LYRM9: variants seen among roughly 807,000 people sequenced by gnomAD.
LYRM9 encodes the protein LYR motif containing 9, also known as LYR motif-containing protein 9.
Under a neutral mutation model 12.6 loss-of-function variants are expected in LYRM9, and 14 were observed. The ratio of observed to expected loss-of-function variants is 1.11; its 90% CI spans 0.73 to 1.73. The LOEUF is 1.73. Among genes scored for constraint, LYRM9 ranks in the 40% most tolerant of loss-of-function variants. The pLI is 0.00. For missense variants in LYRM9, 94 were observed against 95.0 expected (o/e 0.99, Z 0.04); for synonymous variants, 42 against 35.1 (o/e 1.20, Z -0.69).
At chr17:27,888,545 C>G (rs1905313145) in intron 1 of LYRM9, among the ~76,000 whole-genome samples, 1 of 152,172 alleles carries the variant, frequency 6.6e-6, no homozygotes, top group Non-Finnish European at 1.5e-5. Context: ...TCAGGAGACG[C>G]AGGCAGAAGG....
At chr17:27,890,310 T>G (rs1905388365) in intron 1 of LYRM9, among the ~76,000 whole-genome samples, 1 of 152,042 alleles carries the variant, frequency 6.6e-6, no homozygotes, top group Admixed American at 6.5e-5. Context: ...CCAGTACTCC[T>G]CAATCTTCTC....
chr17:27,886,017 C>T lies in LYRM9; in HGVS notation c.-18-3305G>A, dbSNP rs1454457444. Reference sequence around the variant, plus strand: ...ACCACCCAGAAATCAGAGGGGAACCCGTTCAAGGGTGGCCAAGACCATCAG... The same window carrying T: ...ACCACCCAGAAATCAGAGGGGAACCTGTTCAAGGGTGGCCAAGACCATCAG... On this transcript the variant is annotated intron_variant, in intron 1 of 3. Transcript: ENST00000379102. The surrounding 1 kb of genome is among the most constrained non-coding windows in gnomAD (Gnocchi z 4.8). Among the ~76,000 whole-genome samples, 1 of 152,070 alleles carries T rather than the reference C, an allele frequency of 6.6e-6. No individual in the cohort carries two copies. The highest frequency in any genetic ancestry group is 2.1e-4 in the South Asian group (1 of 4,818).
At chr17:27,887,713 G>GGAGGGTGTGT (rs1485417792) in intron 1 of LYRM9, among the ~76,000 whole-genome samples, 5 of 86,730 alleles carry the variant, frequency 5.8e-5, no homozygotes, top group African/African-American at 1.4e-4. Flanking sequence ...TAGGAGGGAG[G>GGAGGGTGTGT]GTGTGTGTGT....
chr17:27,880,549 A>G, intron 2 of LYRM9, 183 bp from the exon 3 acceptor site: 1 of 601,870 alleles, frequency 1.7e-6, no homozygotes, highest in South Asian at 2.0e-5. Context: ...CTTGCTGCTG[A>G]ACAATAGCAT....
At chr17:27,892,483 A>T in intron 1 of LYRM9, 8 of 440,588 alleles carry the variant, frequency 1.8e-5, no homozygotes, top group South Asian at 1.3e-4. Context: ...ACTGTCCTGA[A>T]GTCAAGAACC....
chr17:27,891,479 CAT>C (rs999238532), intron 1 of LYRM9, among the ~76,000 whole-genome samples: 7 of 152,250 alleles, frequency 4.6e-5, no homozygotes, highest in African/African-American at 1.7e-4. Context: ...GCACACACTA[CAT>C]GTTTCCTACT....
intron 1 of LYRM9, among the ~76,000 whole-genome samples, chr17:27,884,342 A>C (rs570504430): frequency 8.5e-5 from 13 of 152,254 alleles, no homozygotes; most frequent in African/African-American, 2.9e-4. Context: ...CTGTCACTCC[A>C]GTCTCCTCCA....
At chr17:27,881,399 C>T (rs1905052394) in intron 2 of LYRM9, among the ~76,000 whole-genome samples, 1 of 151,808 alleles carries the variant, frequency 6.6e-6, no homozygotes, top group Admixed American at 6.6e-5. Flanking sequence ...GCTCGTTCTC[C>T]ATGTTTCCAC....
At chr17:27,892,619 T>C (rs368700960) in intron 1 of LYRM9, 2 of 325,954 alleles carry the variant, frequency 6.1e-6, no homozygotes, top group East Asian at 8.5e-5. Context: ...CAGAAGTACA[T>C]TGGTGGTTGC....
chr17:27,884,814 T>C (rs1044637517), intron 1 of LYRM9, among the ~76,000 whole-genome samples: 1 of 137,608 alleles, frequency 7.3e-6, no homozygotes, highest in African/African-American at 2.7e-5. Context: ...GCCTTAGTTT[T>C]AAAGGAACAT....
chr17:27,880,741 C>T (rs1905023347), intron 2 of LYRM9: 1 of 262,620 alleles, frequency 3.8e-6, no homozygotes, highest in African/African-American at 2.2e-5. Context: ...GGTGAGATCT[C>T]TGCATAGGCT....
chr17:27,892,648 G>C, intron 1 of LYRM9: 1 of 321,386 alleles, frequency 3.1e-6, no homozygotes, highest in South Asian at 2.5e-5. Context: ...GGGAGAATGG[G>C]AGTAGATGGG....
chr17:27,881,537 A>G (rs1434593668), intron 2 of LYRM9, among the ~76,000 whole-genome samples: 2 of 152,210 alleles, frequency 1.3e-5, no homozygotes, highest in East Asian at 1.9e-4. Flanking sequence ...TGATAATAAT[A>G]CAAAGAATTT....
At chr17:27,892,571 T>C (rs1053893700) in intron 1 of LYRM9, 11 of 359,300 alleles carry the variant, frequency 3.1e-5, no homozygotes, top group Admixed American at 7.9e-5. Flanking sequence ...TATGATTCCA[T>C]TTATACGAAA....
intron 1 of LYRM9, among the ~76,000 whole-genome samples, chr17:27,887,619 G>A (rs371681392): frequency 1.3e-5 from 2 of 152,170 alleles, no homozygotes; most frequent in Admixed American, 6.5e-5. Context: ...GTGTTTGCCT[G>A]TTATGGTCTC....
At chr17:27,882,474 A>C in intron 2 of LYRM9, 95 bp downstream of exon 2, 3 of 1,407,544 alleles carry the variant, frequency 2.1e-6, no homozygotes, top group Non-Finnish European at 1.9e-6. Flanking sequence ...CCACCATCTC[A>C]GAGACTAGCT....
At position 27,886,008 on chromosome 17, in the gene LYRM9, A is replaced by C. The variant is rs1413667191; in HGVS notation, c.-18-3296T>G. Among the ~76,000 whole-genome samples, 1 of 152,132 alleles carries C rather than the reference A, an allele frequency of 6.6e-6. No homozygotes were observed. Among genetic ancestry groups the C allele is most frequent in the East Asian group, 1.9e-4 (1 of 5,184 alleles). On this transcript the variant is annotated intron_variant, in intron 1 of 3. Transcript: ENST00000379102. The surrounding 1 kb of genome is among the most constrained non-coding windows in gnomAD (Gnocchi z 4.8). The stretch of plus-strand genomic sequence containing the variant: ...GTCCGACTCACCACCCAGAAATCAG[A>C]GGGGAACCCGTTCAAGGGTGGCCAA...
chr17:27,882,428 C>A, intron 2 of LYRM9, 141 bp downstream of exon 2: 8 of 1,204,904 alleles, frequency 6.6e-6, no homozygotes, highest in Non-Finnish European at 8.9e-6. Flanking sequence ...CTGCCCAGCA[C>A]TGGTTTCCTG....
chr17:27,888,568 C>T lies in LYRM9; in HGVS notation c.-19+4749G>A, dbSNP rs575759600. On this transcript the variant is annotated intron_variant, in intron 1 of 3. Transcript: ENST00000379102. The stretch of plus-strand genomic sequence containing the variant: ...CGCAGGCAGAAGGATTTAGAGGTGA[C>T]ATGTCATCAGGTCTGCAGCCTCCTT... Among the ~76,000 whole-genome samples the T allele has an allele frequency of 5.3e-5, 8 of 152,322 alleles. No homozygotes were observed. In the South Asian group the frequency reaches 8.3e-4, roughly 16 times the overall value.
Sources: gnomAD v4.1 joint callset for allele counts (sites outside exome capture counted in the v4.1 genomes callset) on GRCh38, gnomAD v4.1.1 for gene constraint, Gnocchi (gnomAD v3.1) non-coding constraint, MANE v1.5 for transcripts, NCBI Gene and HGNC (gene_info 2026-07-23, HGNC 2026-07-21) for gene names.